Variants in DOCK5 observed in about 807,000 individuals in gnomAD.
The protein encoded by DOCK5 is dedicator of cytokinesis 5.
Under a neutral mutation model 251.8 loss-of-function variants are expected in DOCK5, and 142 were observed. The ratio of observed to expected loss-of-function variants is 0.56; its 90% CI spans 0.49 to 0.65. The LOEUF (loss-of-function observed/expected upper bound fraction) is 0.65. Ranked by LOEUF, DOCK5 falls within the 30% of genes least tolerant of loss-of-function variation. The probability of loss-of-function intolerance (pLI) is 0.00; values close to 1 mark genes in which losing one functional copy is unlikely to be tolerated. For synonymous variants in DOCK5, 842 were observed against 835.5 expected (o/e 1.01, Z -0.13); for missense variants, 2,111 against 2,312.3 (o/e 0.91, Z 1.79).
At position 25,275,563 on chromosome 8, in the gene DOCK5, G is replaced by A. The variant is rs915840610; in HGVS notation, c.224+122G>A. On this transcript the variant is annotated intron_variant, in intron 4 of 51. Coordinates refer to ENST00000276440, the MANE Select transcript of DOCK5 (RefSeq NM_024940.8). The stretch of plus-strand genomic sequence containing the variant: ...AGTTCTCTCATCTCAGGCCAGGCGT[G>A]GTGGCTCACGCCTGTAATCCCAGCA... 6 of 968,874 alleles carry A rather than the reference G, an allele frequency of 6.2e-6. No homozygotes were observed. The South Asian group carries it at 8.1e-5, about 13-fold the overall frequency. The allele number at this position is 968,874 out of a possible 1,614,324, so 60.0% of individuals were successfully genotyped here.
chr8:25,360,980 A>G (rs1375614455), intron 28 of DOCK5, among the ~76,000 whole-genome samples: 5 of 152,070 alleles, frequency 3.3e-5, no homozygotes, highest in African/African-American at 1.2e-4. Context: ...AGACCTGGAG[A>G]AATGAGGGAA....
At chr8:25,256,949 A>C (rs971752117) in intron 2 of DOCK5, among the ~76,000 whole-genome samples, 16 of 151,006 alleles carry the variant, frequency 1.1e-4, no homozygotes, top group Admixed American at 6.6e-5. Flanking sequence ...TTCTTGGAGT[A>C]GGGAAGTTAT....
intron 1 of DOCK5, among the ~76,000 whole-genome samples, chr8:25,208,871 TC>T (rs1802064836): frequency 2.0e-5 from 3 of 152,150 alleles, no homozygotes; most frequent in African/African-American, 7.2e-5. Context: ...TTCTTTGCCT[TC>T]CCTCCCTCCC....
intron 51 of DOCK5, among the ~76,000 whole-genome samples, chr8:25,410,422 T>G (rs1029629769): frequency 2.0e-4 from 30 of 151,918 alleles, no homozygotes; most frequent in African/African-American, 7.2e-4. Flanking sequence ...TCTCTGTACC[T>G]CGTCCTGGGT....
chr8:25,365,204 C>G (rs147454419), intron 30 of DOCK5, among the ~76,000 whole-genome samples: 1 of 152,344 alleles, frequency 6.6e-6, no homozygotes, highest in East Asian at 1.9e-4. Context: ...ATCCATTTAA[C>G]AAATGTTAGA....
chr8:25,398,296 G>T (rs1801380717), intron 45 of DOCK5, among the ~76,000 whole-genome samples: 2 of 152,130 alleles, frequency 1.3e-5, no homozygotes. Flanking sequence ...GAAAACTTAA[G>T]TAAATACTCC....
intron 12 of DOCK5, 109 bp from the exon 13 acceptor site, chr8:25,310,298 C>T: frequency 1.7e-6 from 2 of 1,147,618 alleles, no homozygotes; most frequent in Non-Finnish European, 2.4e-6. Flanking sequence ...GAATTTACAT[C>T]TTTACAGTAA....
chr8:25,276,721 C>T (rs1456799375), intron 4 of DOCK5, among the ~76,000 whole-genome samples: 1 of 152,000 alleles, frequency 6.6e-6, no homozygotes, highest in Non-Finnish European at 1.5e-5. Context: ...CTTGATTTCA[C>T]AAAATTAGAA....
At chr8:25,213,858 A>T (rs954648299) in intron 1 of DOCK5, among the ~76,000 whole-genome samples, 3 of 152,246 alleles carry the variant, frequency 2.0e-5, no homozygotes, top group East Asian at 3.9e-4. Flanking sequence ...TGATGCTTTG[A>T]TTAGTAAACC....
intron 1 of DOCK5, among the ~76,000 whole-genome samples, chr8:25,221,352 A>G (rs1214809305): frequency 6.6e-6 from 1 of 152,188 alleles, no homozygotes; most frequent in Non-Finnish European, 1.5e-5. Context: ...CTCTGTCGCC[A>G]GGCTGGAGTA....
At chr8:25,325,697 G>A (rs1586331036) in intron 18 of DOCK5, 150 bp downstream of exon 18, 3 of 899,554 alleles carry the variant, frequency 3.3e-6, no homozygotes, top group East Asian at 5.3e-5. Flanking sequence ...TTTTCAAGTG[G>A]TATTCTGGGT....
At chr8:25,293,235 C>G (rs988843845) in intron 6 of DOCK5, among the ~76,000 whole-genome samples, 1 of 152,108 alleles carries the variant, frequency 6.6e-6, no homozygotes, top group Non-Finnish European at 1.5e-5. Context: ...TTTCCTCCTC[C>G]TCTACCTTGC....
rs762915553 is a variant in DOCK5, at chr8:25,408,008, C to T, written c.5119C>T (p.Arg1707Cys). 1.4e-5 allele frequency: 22 copies of T among 1,612,500 alleles called. No homozygotes were observed. Among genetic ancestry groups the T allele is most frequent in the South Asian group, 5.5e-5 (5 of 90,650 alleles). Residue 1707 changes from arginine to cysteine, a missense_variant, in exon 49 of 52, where the codon CGC (arginine) becomes TGC (cysteine). This residue lies in a region of DOCK5 where 1,717 missense variants were observed against 1,892.4 expected (regional missense o/e 0.91). Transcript: ENST00000276440. ...CTCAATCTTGGAGCCACTTTTGGAG[C>T]GCAGGGCCTCGTCAGGTGCCAGAGT... ...DGSILEPLLERRASSGARVED... is the reference protein window; with the variant it reads ...DGSILEPLLECRASSGARVED...
At chr8:25,301,274 A>G (rs945592851) in intron 9 of DOCK5, among the ~76,000 whole-genome samples, 1 of 152,200 alleles carries the variant, frequency 6.6e-6, no homozygotes, top group African/African-American at 2.4e-5. Flanking sequence ...TCAATGTGCC[A>G]CAATATATGT....
intron 1 of DOCK5, among the ~76,000 whole-genome samples, chr8:25,236,643 C>T (rs559251628): frequency 6.2e-4 from 94 of 152,092 alleles, no homozygotes; most frequent in African/African-American, 2.0e-3. Context: ...TGCAGTGGTG[C>T]GATGCTGGCT....
intron 1 of DOCK5, among the ~76,000 whole-genome samples, chr8:25,199,005 G>A (rs1801802962): frequency 6.6e-6 from 1 of 152,174 alleles, no homozygotes; most frequent in Non-Finnish European, 1.5e-5. Context: ...GTTTGAGGAG[G>A]TTTGAGCCTG....
In DOCK5 at chr8:25,351,744, T is replaced by G. The variant is rs1269602489; in HGVS notation, c.2768T>G (p.Val923Gly). Reference sequence around the variant, plus strand: ...TGTTCCCTGCAGGGTGCCACTGCGGTGCACATTCAGCTTATAATGGAACGG... The same window carrying G: ...TGTTCCCTGCAGGGTGCCACTGCGGGGCACATTCAGCTTATAATGGAACGG... ...LDRKDVGATA[V>G]HIQLIMERLL... The change falls in exon 27 of 52, where the codon GTG (valine) becomes GGG (glycine). Residue 923 changes from valine (V) to glycine (G), a missense_variant. Physicochemically the swap from Val to Gly is moderately radical, Grantham distance 109 (BLOSUM62 -3). Around this residue, in one of 3 missense-constraint regions of DOCK5, gnomAD observed 1,717 missense variants for 1,892.4 expected, o/e 0.91. Coordinates refer to ENST00000276440, the MANE Select transcript of DOCK5 (RefSeq NM_024940.8). The G allele has an allele frequency of 1.2e-6, 2 of 1,613,654 alleles. No individual in the cohort carries two copies.
intron 32 of DOCK5, 97 bp from the exon 33 acceptor site, chr8:25,368,474 T>G (rs896945294): frequency 3.3e-5 from 46 of 1,409,418 alleles, no homozygotes; most frequent in Non-Finnish European, 4.3e-5. Flanking sequence ...TGAGTTGTTT[T>G]AACCTTTTCT....
chr8:25,363,019 C>T (rs1320746875), intron 28 of DOCK5, 28 bp from the exon 29 acceptor site: 2 of 1,583,590 alleles, frequency 1.3e-6, no homozygotes, highest in South Asian at 2.2e-5. Context: ...ACCCAGTTTT[C>T]CCCCAACCAC....
Sources: gnomAD v4.1 joint callset for allele counts (sites outside exome capture counted in the v4.1 genomes callset) on GRCh38, gnomAD v4.1.1 for gene constraint, gnomAD v4.1.1 regional missense constraint, MANE v1.5 for transcripts, NCBI Gene and HGNC (gene_info 2026-07-23, HGNC 2026-07-21) for gene names.